Variants in RASAL2 observed in about 807,000 individuals in gnomAD.
RASAL2 encodes RAS protein activator like 2.
Under a neutral mutation model 128.9 loss-of-function variants are expected in RASAL2, and 58 were observed. The ratio of observed to expected loss-of-function variants is 0.45; its 90% CI spans 0.36 to 0.56. The LOEUF (loss-of-function observed/expected upper bound fraction) is 0.56, where lower values mean the gene tolerates loss of function less well. RASAL2 is among the 20% of genes least tolerant of loss of function. The pLI is 0.00. For synonymous variants in RASAL2, 561 were observed against 580.8 expected (o/e 0.97, Z 0.49); for missense variants, 1,360 against 1,601.6 (o/e 0.85, Z 2.57).
intron 4 of RASAL2, chr1:178,412,038 C>A: frequency 1.3e-5 from 5 of 374,552 alleles, no homozygotes; most frequent in East Asian, 5.3e-5. Context: ...AAAATACTTT[C>A]TGAAAATAAA....
intron 15 of RASAL2, 28 bp downstream of exon 15, chr1:178,464,440 T>C: frequency 4.4e-6 from 7 of 1,607,304 alleles, no homozygotes; most frequent in Non-Finnish European, 5.9e-6. Flanking sequence ...TCATCAACTT[T>C]CTGATCCCAA....
chr1:178,385,243 A>T (rs575032182), intron 3 of RASAL2, among the ~76,000 whole-genome samples: 1 of 152,278 alleles, frequency 6.6e-6, no homozygotes, highest in East Asian at 1.9e-4. Context: ...ATTTGAGCCC[A>T]GGAGTTAGAG....
intron 1 of RASAL2, among the ~76,000 whole-genome samples, chr1:178,163,408 G>A (rs756542125): frequency 2.0e-5 from 3 of 152,092 alleles, no homozygotes; most frequent in Non-Finnish European, 4.4e-5. Context: ...TTGTGCTTAT[G>A]TTTTCTTCTA....
intron 1 of RASAL2, among the ~76,000 whole-genome samples, chr1:178,204,671 C>A (rs1046906318): frequency 5.9e-5 from 9 of 152,140 alleles, no homozygotes; most frequent in African/African-American, 2.2e-4. Context: ...CTGAAACACC[C>A]TGACTTTAAG....
Position 178,475,607 on chromosome 1 carries a change from GA to G in RASAL2, c.*2369del, listed in dbSNP as rs1558022229. ...TGGAAGCTCTTAAGTGCCGATTATG[GA>G]TTACAGAGGGCTGATAAAATTACTT... is the stretch of plus-strand genomic sequence containing the variant. On this transcript the variant is annotated 3_prime_UTR_variant, in exon 18 of 18. Coordinates refer to ENST00000367649, the MANE Select transcript of RASAL2 (RefSeq NM_170692.4). 1 of 152,170 alleles carries G rather than the reference GA, an allele frequency of 6.6e-6. No individual in the cohort carries two copies. The highest frequency in any genetic ancestry group is 6.5e-5 in the Admixed American group (1 of 15,270). 9.4% of individuals were successfully genotyped at this position (152,170 alleles called of 1,614,324 possible). A position where few individuals can be genotyped will look rare whatever the true frequency, so the allele number is the denominator to read the frequency against.
At chr1:178,129,057 T>G (rs1350284705) in intron 1 of RASAL2, among the ~76,000 whole-genome samples, 1 of 152,096 alleles carries the variant, frequency 6.6e-6, no homozygotes, top group Non-Finnish European at 1.5e-5. Flanking sequence ...TACGTATGTT[T>G]TATATGTTAA....
At chr1:178,114,773 T>G (rs1659466654) in intron 1 of RASAL2, among the ~76,000 whole-genome samples, 1 of 152,164 alleles carries the variant, frequency 6.6e-6, no homozygotes, top group African/African-American at 2.4e-5. Context: ...CCGCCCGCCT[T>G]GGCCTCCCAA....
intron 1 of RASAL2, among the ~76,000 whole-genome samples, chr1:178,166,918 A>G (rs1465279155): frequency 6.6e-6 from 1 of 152,132 alleles, no homozygotes; most frequent in Non-Finnish European, 1.5e-5. Flanking sequence ...AAACTGCTGA[A>G]TTAATTTTTA....
At chr1:178,097,167 A>G (rs2102210837) in intron 1 of RASAL2, among the ~76,000 whole-genome samples, 1 of 152,352 alleles carries the variant, frequency 6.6e-6, no homozygotes, top group East Asian at 1.9e-4. Flanking sequence ...GGATACAACT[A>G]GAAGCTTAGA....
intron 3 of RASAL2, among the ~76,000 whole-genome samples, chr1:178,331,296 T>C (rs1215989824): frequency 6.6e-6 from 1 of 152,178 alleles, no homozygotes; most frequent in Non-Finnish European, 1.5e-5. Flanking sequence ...CTCAGCCTCC[T>C]GAGTAGCTGG....
intron 1 of RASAL2, among the ~76,000 whole-genome samples, chr1:178,121,937 C>G (rs1456497116): frequency 6.6e-6 from 1 of 152,070 alleles, no homozygotes; most frequent in Non-Finnish European, 1.5e-5. Flanking sequence ...CTGACATCAC[C>G]TCATTTTTGG....
At chr1:178,139,367 T>A (rs189757573) in intron 1 of RASAL2, among the ~76,000 whole-genome samples, 17 of 152,218 alleles carry the variant, frequency 1.1e-4, no homozygotes, top group Non-Finnish European at 2.1e-4. Flanking sequence ...TCTAATAGAT[T>A]AGTGTTATAA....
intron 1 of RASAL2, among the ~76,000 whole-genome samples, chr1:178,198,898 T>C (rs1662767224): frequency 6.6e-6 from 1 of 152,214 alleles, no homozygotes. Context: ...TGTTGTGTTT[T>C]GTTCAGCTGT....
At chr1:178,311,892 A>G (rs75754578) in intron 3 of RASAL2, among the ~76,000 whole-genome samples, 3,574 of 152,204 alleles carry the variant, frequency 0.023, 148 homozygotes, top group African/African-American at 0.082. Flanking sequence ...TAGGCAGGGA[A>G]CAGAAAACTT....
chr1:178,260,364 ATAT>A lies in RASAL2; in HGVS notation c.203-23199_203-23197del, dbSNP rs1490619985. Among the ~76,000 whole-genome samples the A allele has an allele frequency of 1.0e-3, 20 of 19,616 alleles. 4 individuals are homozygous for A. The highest frequency in any genetic ancestry group is 1.7e-3 in the African/African-American group (10 of 5,824). The allele number at this position is 19,616 out of a possible 152,430, so 12.9% of individuals were successfully genotyped here. A position where few individuals can be genotyped will look rare whatever the true frequency, so the allele number is the denominator to read the frequency against. ...GAGACTCGTCTCAAAAAAAAAAAAAATATATATATATATATATATATATATATA... is the reference window on the plus strand; with the variant it reads ...GAGACTCGTCTCAAAAAAAAAAAAAAATATATATATATATATATATATATA... On this transcript the variant is annotated intron_variant, in intron 1 of 17. Coordinates refer to ENST00000367649, the MANE Select transcript of RASAL2 (RefSeq NM_170692.4).
chr1:178,442,721 A>C lies in RASAL2; in HGVS notation c.974A>C (p.Glu325Ala). Residue 325 changes from glutamate (E) to alanine (A), a missense_variant, in exon 8 of 18, where the codon GAA (glutamate) becomes GCA (alanine). Coordinates refer to ENST00000367649, the MANE Select transcript of RASAL2 (RefSeq NM_170692.4). ...AENVLRLWII[E>A]AKDLAPKKKY... ...AATGTTCTTCGTTTATGGATCATTG[A>C]AGCCAAGGACCTTGCCCCTAAAAAG... is the stretch of plus-strand genomic sequence containing the variant. 6.2e-7 allele frequency: 1 copy of C among 1,613,288 alleles called. No homozygotes were observed. Among genetic ancestry groups the C allele is most frequent in the Non-Finnish European group, 8.5e-7 (1 of 1,179,662 alleles).
chr1:178,314,740 A>T (rs1668419782), intron 3 of RASAL2, among the ~76,000 whole-genome samples: 4 of 152,326 alleles, frequency 2.6e-5, no homozygotes, highest in South Asian at 2.1e-4. Flanking sequence ...AGTGGTAGGC[A>T]TCACAGATAC....
rs574105295 is a variant in RASAL2 at position 178,463,752 on chromosome 1, C to A, written c.3253-526C>A. Among the ~76,000 whole-genome samples the A allele has an allele frequency of 3.3e-5, 5 of 152,166 alleles. No homozygotes were observed. In the South Asian group the frequency reaches 1.0e-3, roughly 32 times the overall value. ...GCCATTTAACCCACAATTACTTTTG[C>A]ACCAACCTAGTATTTGCCATTCTGA... On this transcript the variant is annotated intron_variant, in intron 14 of 17. Transcript: ENST00000367649.
At chr1:178,266,848 A>G (rs184158730) in intron 1 of RASAL2, among the ~76,000 whole-genome samples, 149 of 152,290 alleles carry the variant, frequency 9.8e-4, no homozygotes, top group African/African-American at 3.5e-3. Context: ...GCAGAGTGCC[A>G]TGAGTTTCTA....
Sources: gnomAD v4.1 joint callset for allele counts (sites outside exome capture counted in the v4.1 genomes callset) on GRCh38, gnomAD v4.1.1 for gene constraint, MANE v1.5 for transcripts, NCBI Gene and HGNC (gene_info 2026-07-23, HGNC 2026-07-21) for gene names.